The following KLF12 variants were observed in gnomAD, a reference collection of about 807,000 sequenced individuals.
KLF12 encodes the protein KLF transcription factor 12, also known as Krueppel-like factor 12.
A neutral mutation model predicts 37.8 loss-of-function variants in KLF12; 9 were observed. The ratio of observed to expected loss-of-function variants is 0.24; its 90% CI spans 0.14 to 0.42. KLF12 has a LOEUF of 0.42. Among genes scored for constraint, KLF12 ranks in the 10% least tolerant of loss-of-function variants. The probability of loss-of-function intolerance (pLI) is 1.00; values close to 1 mark genes in which losing one functional copy is unlikely to be tolerated. For synonymous variants in KLF12, 208 were observed against 202.1 expected, an observed-to-expected ratio of 1.03 and a Z score of -0.25; for missense variants, 411 against 516.0, an observed-to-expected ratio of 0.80 and a Z score of 1.97.
chr13:74,082,465 G>A (rs934873970), intron 1 of KLF12, among the ~76,000 whole-genome samples: 8 of 152,110 alleles, frequency 5.3e-5, no homozygotes, highest in African/African-American at 1.9e-4. Context: ...TCTATCAATA[G>A]TCTATCAATT....
intron 3 of KLF12, among the ~76,000 whole-genome samples, chr13:73,921,929 G>A (rs1383649393): frequency 6.6e-6 from 1 of 152,128 alleles, no homozygotes; most frequent in Admixed American, 6.5e-5. Flanking sequence ...AAAGGAAAGA[G>A]GAGCTTTAGA....
At chr13:74,262,220 G>A in the KLF12 span, among the ~76,000 whole-genome samples, 2 of 152,264 alleles carry the variant, frequency 1.3e-5, no homozygotes, top group East Asian at 3.9e-4. Context: ...CAAATGAGAG[G>A]CAATTAGAAG....
chr13:74,292,696 T>A, the KLF12 span, among the ~76,000 whole-genome samples: 516 of 152,304 alleles, frequency 3.4e-3, 2 homozygotes, highest in African/African-American at 0.012. Context: ...TTCGTCACTT[T>A]CTTCAGGTCT....
At chr13:74,038,922 C>T in intron 1 of KLF12, among the ~76,000 whole-genome samples, 2 of 151,522 alleles carry the variant, frequency 1.3e-5, no homozygotes, top group East Asian at 1.9e-4. Context: ...AAAAAAAATG[C>T]TTTATGCTAT....
chr13:73,814,188 A>G (rs1044404177), intron 4 of KLF12, among the ~76,000 whole-genome samples: 6 of 152,246 alleles, frequency 3.9e-5, no homozygotes, highest in African/African-American at 1.2e-4. Flanking sequence ...GAAAAGTACC[A>G]CATGAGCTAC....
At chr13:73,943,948 A>C (rs1890304638) in intron 3 of KLF12, 33 bp downstream of exon 3, 1 of 1,314,958 alleles carries the variant, frequency 7.6e-7, no homozygotes, top group African/African-American at 1.5e-5. Context: ...TCTCATCAAA[A>C]GGAGTGGGGC....
chr13:74,030,299 A>G (rs1893081613), intron 1 of KLF12, among the ~76,000 whole-genome samples: 1 of 152,146 alleles, frequency 6.6e-6, no homozygotes, highest in Admixed American at 6.6e-5. Flanking sequence ...GACAAAGCAA[A>G]GAACAGTCAG....
chr13:73,853,910 A>T (rs1030939951), intron 3 of KLF12, among the ~76,000 whole-genome samples: 3 of 152,222 alleles, frequency 2.0e-5, no homozygotes, highest in African/African-American at 7.2e-5. Flanking sequence ...TTAGCTTGGA[A>T]TATGGTGCTC....
rs945109377 is a variant in KLF12, at chr13:73,687,879, T to G, written c.*7611A>C. 1 of 152,230 alleles carries G rather than the reference T, an allele frequency of 6.6e-6. No homozygotes were observed. Among genetic ancestry groups the G allele is most frequent in the South Asian group, 2.1e-4 (1 of 4,830 alleles). 9.4% of individuals were successfully genotyped at this position (152,230 alleles called of 1,614,324 possible). A position where few individuals can be genotyped will look rare whatever the true frequency, so the allele number is the denominator to read the frequency against. ...GATGAAATCCAGAAAGAAAAAGTAC[T>G]GAGGCGACTGTTTCCACTATTGATC... On this transcript the variant is annotated 3_prime_UTR_variant, in exon 8 of 8. Transcript: ENST00000377669.
chr13:74,241,009 G>T, the KLF12 span, among the ~76,000 whole-genome samples: 1 of 152,094 alleles, frequency 6.6e-6, no homozygotes, highest in Admixed American at 6.5e-5. Context: ...CTTTGGAGGA[G>T]GAGAGGCGCT....
At chr13:73,802,479 C>A (rs1882333080) in intron 5 of KLF12, among the ~76,000 whole-genome samples, 1 of 151,962 alleles carries the variant, frequency 6.6e-6, no homozygotes, top group African/African-American at 2.4e-5. Context: ...TAATTTCAAT[C>A]TTTATTTCAG....
the KLF12 span, among the ~76,000 whole-genome samples, chr13:74,266,703 A>G: frequency 2.0e-5 from 3 of 152,150 alleles, no homozygotes; most frequent in Non-Finnish European, 4.4e-5. Flanking sequence ...TGGTTTACAG[A>G]TGCTTCTTCC....
intron 1 of KLF12, among the ~76,000 whole-genome samples, chr13:74,125,236 A>ACACTGTTT (rs1428769341): frequency 6.6e-6 from 1 of 152,140 alleles, no homozygotes; most frequent in Non-Finnish European, 1.5e-5. Context: ...ATACACATAC[A>ACACTGTTT]CACTGTTTAT....
At chr13:74,283,391 T>C in the KLF12 span, among the ~76,000 whole-genome samples, 1 of 152,232 alleles carries the variant, frequency 6.6e-6, no homozygotes, top group South Asian at 2.1e-4. Context: ...AGCCATAATT[T>C]GGAAAATAGT....
At chr13:73,778,894 G>A (rs1880791866) in intron 5 of KLF12, among the ~76,000 whole-genome samples, 1 of 152,166 alleles carries the variant, frequency 6.6e-6, no homozygotes, top group South Asian at 2.1e-4. Flanking sequence ...TTTAAAAAAT[G>A]TTAAGTAGAC....
chr13:74,094,856 T>C (rs1378218051), intron 1 of KLF12, among the ~76,000 whole-genome samples: 1 of 152,196 alleles, frequency 6.6e-6, no homozygotes, highest in Non-Finnish European at 1.5e-5. Context: ...CACCTCAGCC[T>C]CCCAAAGTGC....
the KLF12 span, among the ~76,000 whole-genome samples, chr13:74,177,337 T>A: frequency 6.6e-6 from 1 of 152,170 alleles, no homozygotes; most frequent in Non-Finnish European, 1.5e-5. Flanking sequence ...GTGTATGGTA[T>A]GTTTGGAGAA....
chr13:73,788,188 T>G (rs2138246121), intron 5 of KLF12, among the ~76,000 whole-genome samples: 1 of 152,314 alleles, frequency 6.6e-6, no homozygotes, highest in South Asian at 2.1e-4. Context: ...TTATATATTT[T>G]CCCTGGTAAA....
At chr13:74,269,903 A>G in the KLF12 span, among the ~76,000 whole-genome samples, 177 of 152,306 alleles carry the variant, frequency 1.2e-3, no homozygotes, top group African/African-American at 4.1e-3. Flanking sequence ...TTGAGGTGAC[A>G]TTAGTGTTGT....
Sources: gnomAD v4.1 joint callset for allele counts (sites outside exome capture counted in the v4.1 genomes callset) on GRCh38, gnomAD v4.1.1 for gene constraint, MANE v1.5 for transcripts, NCBI Gene and HGNC (gene_info 2026-07-23, HGNC 2026-07-21) for gene names.